TRDN: variants seen among roughly 807,000 people sequenced by gnomAD.
TRDN encodes the protein triadin in skeletal muscle.
Under a neutral mutation model 149.7 loss-of-function variants are expected in TRDN, and 161 were observed. The observed-to-expected ratio is 1.08, with a 90% CI of 0.95 to 1.23. The LOEUF is 1.23. Among genes scored for constraint, TRDN ranks in the 50% most tolerant of loss-of-function variants. The probability of loss-of-function intolerance (pLI) is 0.00; values close to 1 mark genes in which losing one functional copy is unlikely to be tolerated. For synonymous variants in TRDN, 294 were observed against 250.5 expected (o/e 1.17, Z -1.64); for missense variants, 896 against 823.5 (o/e 1.09, Z -1.08).
At chr6:123,582,772 A>G (rs1455556520) in intron 1 of TRDN, among the ~76,000 whole-genome samples, 2 of 151,880 alleles carry the variant, frequency 1.3e-5, no homozygotes, top group African/African-American at 2.4e-5. Flanking sequence ...AATAAAATGA[A>G]ATAGTGGTAA....
chr6:123,279,892 C>T (rs1393247670), intron 24 of TRDN, among the ~76,000 whole-genome samples: 1 of 151,942 alleles, frequency 6.6e-6, no homozygotes, highest in African/African-American at 2.4e-5. Flanking sequence ...TTTCTTTTAG[C>T]AAAGATAACA....
At position 123,552,595 on chromosome 6, in the gene TRDN, G is replaced by T. The variant is rs189509085; in HGVS notation, c.233-3983C>A. Among the ~76,000 whole-genome samples, 76 of 152,230 alleles carry T rather than the reference G, an allele frequency of 5.0e-4. No homozygotes were observed. The East Asian group carries it at 9.5e-3, about 19-fold the overall frequency. On this transcript the variant is annotated intron_variant, in intron 2 of 40. Coordinates refer to ENST00000334268, the MANE Select transcript of TRDN (RefSeq NM_006073.4). ...CTGTGCCAACTATATTGAAACAAAAGGAGAAACAGTAATAATCATTCTGCC... is the reference window on the plus strand; with the variant it reads ...CTGTGCCAACTATATTGAAACAAAATGAGAAACAGTAATAATCATTCTGCC...
At chr6:123,501,328 A>G (rs1195566441) in intron 8 of TRDN, among the ~76,000 whole-genome samples, 1 of 152,050 alleles carries the variant, frequency 6.6e-6, no homozygotes, top group Non-Finnish European at 1.5e-5. Flanking sequence ...ATCTATATGA[A>G]AAGAATGCCT....
At chr6:123,266,546 ATG>A in intron 32 of TRDN, among the ~76,000 whole-genome samples, 1 of 63,000 alleles carries the variant, frequency 1.6e-5, no homozygotes, top group Non-Finnish European at 2.5e-5. Flanking sequence ...ATATTATAAT[ATG>A]TATTATATAT....
intron 1 of TRDN, among the ~76,000 whole-genome samples, chr6:123,622,291 ATC>A (rs572907159): frequency 5.1e-5 from 7 of 138,070 alleles, no homozygotes; most frequent in African/African-American, 2.1e-4. Context: ...CATTGTAATT[ATC>A]TCTCTCTCTC....
At chr6:123,496,476 C>A (rs947787542) in intron 9 of TRDN, among the ~76,000 whole-genome samples, 5 of 152,066 alleles carry the variant, frequency 3.3e-5, no homozygotes, top group Non-Finnish European at 7.4e-5. Flanking sequence ...CTTAACAATA[C>A]TGTCTTCTTG....
intron 12 of TRDN, among the ~76,000 whole-genome samples, chr6:123,431,262 A>G (rs1013223044): frequency 6.6e-6 from 1 of 152,180 alleles, no homozygotes; most frequent in African/African-American, 2.4e-5. Flanking sequence ...AAGGCTGGGA[A>G]ATACTGATTA....
intron 23 of TRDN, among the ~76,000 whole-genome samples, chr6:123,322,613 TTTATTA>T (rs139658634): frequency 0.31 from 43,257 of 140,446 alleles, 6,993 homozygotes; most frequent in Non-Finnish European, 0.34. Context: ...TTTTTTAAAA[TTTATTA>T]TTATTATTAT....
intron 23 of TRDN, among the ~76,000 whole-genome samples, chr6:123,329,152 G>A (rs1216895036): frequency 6.6e-6 from 1 of 152,126 alleles, no homozygotes; most frequent in Non-Finnish European, 1.5e-5. Context: ...CTTTGGTCAT[G>A]AGTCCTGAAC....
intron 24 of TRDN, among the ~76,000 whole-genome samples, chr6:123,299,461 C>A (rs1778324461): frequency 6.6e-6 from 1 of 152,034 alleles, no homozygotes; most frequent in Non-Finnish European, 1.5e-5. Context: ...TATGTCTTTA[C>A]TTGCCCACTA....
At position 123,547,390 on chromosome 6, in the gene TRDN, G is replaced by T; in HGVS notation, c.392-18C>A. 1 of 1,389,282 alleles carries T rather than the reference G, an allele frequency of 7.2e-7. No individual in the cohort carries two copies. Among genetic ancestry groups the T allele is most frequent in the Non-Finnish European group, 9.5e-7 (1 of 1,049,884 alleles). The allele number at this position is 1,389,282 out of a possible 1,614,324, so 86.1% of individuals were successfully genotyped here. On this transcript the variant is annotated intron_variant, in intron 3 of 40. Transcript: ENST00000334268. ...TATTTCTCCTAGACCAAGATTAAAAGAAAAACAAAGTTAGAAAATATTTTA... is the reference window on the plus strand; with the variant it reads ...TATTTCTCCTAGACCAAGATTAAAATAAAAACAAAGTTAGAAAATATTTTA...
chr6:123,607,701 A>T lies in TRDN; in HGVS notation c.22+29053T>A, dbSNP rs573420188. On this transcript the variant is annotated intron_variant, in intron 1 of 40. Coordinates refer to ENST00000334268, the MANE Select transcript of TRDN (RefSeq NM_006073.4). ...TTATTTGCCATATTCATAAATTCTGATTTACAACCTGAAGATACTTTCATT... is the reference window on the plus strand; with the variant it reads ...TTATTTGCCATATTCATAAATTCTGTTTTACAACCTGAAGATACTTTCATT... Among the ~76,000 whole-genome samples, 3 of 152,316 alleles carry T rather than the reference A, an allele frequency of 2.0e-5. No homozygotes were observed. The East Asian group carries it at 5.8e-4, about 29-fold the overall frequency.
intron 23 of TRDN, among the ~76,000 whole-genome samples, chr6:123,326,265 C>T (rs1779452214): frequency 6.6e-6 from 1 of 152,108 alleles, no homozygotes; most frequent in East Asian, 1.9e-4. Flanking sequence ...GATACTCACA[C>T]CCAAATAGCC....
intron 5 of TRDN, chr6:123,529,047 T>C (rs1780084966): frequency 7.1e-7 from 1 of 1,411,150 alleles, no homozygotes; most frequent in Non-Finnish European, 9.2e-7. Flanking sequence ...AGCCCACTGC[T>C]CGGTCTTTGA....
chr6:123,616,197 T>C (rs1334695102), intron 1 of TRDN, among the ~76,000 whole-genome samples: 2 of 152,110 alleles, frequency 1.3e-5, no homozygotes, highest in African/African-American at 2.4e-5. Flanking sequence ...CAAAAAAAAT[T>C]AGCTGGGTGT....
At chr6:123,441,399 A>C (rs548055736) in intron 10 of TRDN, among the ~76,000 whole-genome samples, 1 of 152,320 alleles carries the variant, frequency 6.6e-6, no homozygotes, top group Non-Finnish European at 1.5e-5. Flanking sequence ...GAATTAGAGC[A>C]TTTAAGCCCA....
At position 123,546,553 on chromosome 6, in the gene TRDN, A is replaced by G. The variant is rs114414460; in HGVS notation, c.424+787T>C. 5.9e-3 allele frequency among the ~76,000 whole-genome samples: 892 copies of G among 152,144 alleles called. 5 individuals are homozygous for G. Among genetic ancestry groups the G allele is most frequent in the African/African-American group, 0.02 (846 of 41,534 alleles). ...GTGTAGCAGTAACTAAAACACTGCA[A>G]TTGTTTTAAGTCTGGCTTGAATGTT... On this transcript the variant is annotated intron_variant, in intron 4 of 40. Transcript: ENST00000334268.
intron 12 of TRDN, among the ~76,000 whole-genome samples, chr6:123,424,333 A>T (rs1244524875): frequency 2.6e-5 from 4 of 152,202 alleles, no homozygotes; most frequent in East Asian, 3.9e-4. Flanking sequence ...ACATTCACAC[A>T]TCCATGCCTT....
intron 10 of TRDN, among the ~76,000 whole-genome samples, chr6:123,461,412 C>T (rs1766663658): frequency 6.6e-6 from 1 of 152,160 alleles, no homozygotes; most frequent in Non-Finnish European, 1.5e-5. Context: ...TATTCGACTT[C>T]ATTCATGTAA....
Sources: gnomAD v4.1 joint callset for allele counts (sites outside exome capture counted in the v4.1 genomes callset) on GRCh38, gnomAD v4.1.1 for gene constraint, MANE v1.5 for transcripts, NCBI Gene and HGNC (gene_info 2026-07-23, HGNC 2026-07-21) for gene names.